ADI1: variants seen among roughly 807,000 people sequenced by gnomAD.
The protein encoded by ADI1 is acireductone dioxygenase 1, also known as acireductone dioxygenase.
Under a neutral mutation model 18.7 loss-of-function variants are expected in ADI1, and 21 were observed. The ratio of observed to expected loss-of-function variants is 1.13; its 90% CI spans 0.80 to 1.62. The LOEUF is 1.62. Among genes scored for constraint, ADI1 ranks in the 40% most tolerant of loss-of-function variants. ADI1 has a pLI of 0.00. For missense variants in ADI1, 245 were observed against 254.9 expected, an observed-to-expected ratio of 0.96 and a Z score of 0.26; for synonymous variants, 90 against 100.1, an observed-to-expected ratio of 0.90 and a Z score of 0.60.
intron 2 of ADI1, among the ~76,000 whole-genome samples, chr2:3,501,364 C>T (rs1034586855): frequency 6.6e-6 from 1 of 152,096 alleles, no homozygotes; most frequent in African/African-American, 2.4e-5. Context: ...GGCCCAACCT[C>T]ACACAACGAG....
rs1130127 is a variant in ADI1, at chr2:3,498,854, T to C, written c.*109A>G. On this transcript the variant is annotated 3_prime_UTR_variant, in exon 4 of 4. Transcript: ENST00000327435. ...AAATAATCTTACAAAGGAAAGATAA[T>C]CTAGCCTCAAGGCTATCCTCTAAAA... is the stretch of plus-strand genomic sequence containing the variant. The C allele has an allele frequency of 0.18, 262,777 of 1,442,718 alleles. 32,533 individuals are homozygous for C. Among genetic ancestry groups the C allele is most frequent in the African/African-American group, 0.62 (43,262 of 70,110 alleles). The allele number at this position is 1,442,718 out of a possible 1,614,324, so 89.4% of individuals were successfully genotyped here.
At chr2:3,511,447 C>T (rs1490790421) in intron 2 of ADI1, among the ~76,000 whole-genome samples, 1 of 152,146 alleles carries the variant, frequency 6.6e-6, no homozygotes, top group Non-Finnish European at 1.5e-5. Context: ...TGTAAGATGC[C>T]TGCTCCCTCT....
rs1314388044 is a variant in ADI1 at position 3,497,868 on chromosome 2, G to C, written c.*1095C>G. On this transcript the variant is annotated 3_prime_UTR_variant, in exon 4 of 4. Transcript: ENST00000327435. ...ATATGAATGTTTCGTTCTTAAAAAT[G>C]AACAAGCTCTATTTATAATGCCCAT... 6.6e-6 allele frequency: 1 copy of C among 152,128 alleles called. No individual in the cohort carries two copies. The highest frequency in any genetic ancestry group is 1.5e-5 in the Non-Finnish European group (1 of 68,022). The allele number at this position is 152,128 out of a possible 1,614,324, so 9.4% of individuals were successfully genotyped here. A position where few individuals can be genotyped will look rare whatever the true frequency, so the allele number is the denominator to read the frequency against.
At chr2:3,517,431 TA>T (rs1667433143) in intron 1 of ADI1, 1 of 152,228 alleles carries the variant, frequency 6.6e-6, no homozygotes, top group Non-Finnish European at 1.5e-5. Flanking sequence ...AAATTTGTTG[TA>T]ATTTTGTCTT....
chr2:3,499,171 A>G, intron 3 of ADI1, 89 bp from the exon 4 acceptor site: 1 of 1,511,586 alleles, frequency 6.6e-7, no homozygotes, highest in Non-Finnish European at 8.9e-7. Context: ...GTTAACATTA[A>G]TTGCTATAAA....
chr2:3,503,822 C>A (rs1364410234), intron 2 of ADI1, among the ~76,000 whole-genome samples: 2 of 152,136 alleles, frequency 1.3e-5, no homozygotes, highest in Non-Finnish European at 2.9e-5. Context: ...ACGTGAAGAT[C>A]AACATAAATC....
At chr2:3,505,943 A>T (rs918073130) in intron 2 of ADI1, among the ~76,000 whole-genome samples, 3 of 152,232 alleles carry the variant, frequency 2.0e-5, no homozygotes, top group Admixed American at 2.0e-4. Flanking sequence ...CAGCTCTCAC[A>T]AGACACCAAA....
At position 3,498,221 on chromosome 2, in the gene ADI1, C is replaced by T. The variant is rs1242420332; in HGVS notation, c.*742G>A. ...GTGATATGACAAACTAGGCATAATC[C>T]TATCTCGGAATTGTTGAGTAGAAAA... On this transcript the variant is annotated 3_prime_UTR_variant, in exon 4 of 4. Transcript: ENST00000327435. 2.6e-5 allele frequency: 4 copies of T among 152,108 alleles called. No homozygotes were observed. Among genetic ancestry groups the T allele is most frequent in the Non-Finnish European group, 4.4e-5 (3 of 68,018 alleles). 9.4% of individuals were successfully genotyped at this position (152,108 alleles called of 1,614,324 possible).
rs1038691193 is a variant in ADI1, at chr2:3,498,253, T to C, written c.*710A>G. 3 of 152,218 alleles carry C rather than the reference T, an allele frequency of 2.0e-5. No individual in the cohort carries two copies. Among genetic ancestry groups the C allele is most frequent in the African/African-American group, 7.2e-5 (3 of 41,442 alleles). The allele number at this position is 152,218 out of a possible 1,614,324, so 9.4% of individuals were successfully genotyped here. A position where few individuals can be genotyped will look rare whatever the true frequency, so the allele number is the denominator to read the frequency against. ...GGAATTGTTGAGTAGAAAATTTATG[T>C]ACTAATACTCCTGTTAAAATTCAAC... On this transcript the variant is annotated 3_prime_UTR_variant, in exon 4 of 4. Coordinates refer to ENST00000327435, the MANE Select transcript of ADI1 (RefSeq NM_018269.4).
chr2:3,501,158 A>G (rs1262932583), intron 2 of ADI1, among the ~76,000 whole-genome samples, 165 bp from the exon 3 acceptor site: 1 of 152,188 alleles, frequency 6.6e-6, no homozygotes, highest in African/African-American at 2.4e-5. Context: ...TCCTAACAGT[A>G]CAAGGGCCAG....
At chr2:3,518,425 A>C (rs1667454580) in intron 1 of ADI1, among the ~76,000 whole-genome samples, 1 of 152,228 alleles carries the variant, frequency 6.6e-6, no homozygotes, top group African/African-American at 2.4e-5. Flanking sequence ...TCTCTTTTGC[A>C]GTAAACCTTT....
chr2:3,512,182 T>TAG (rs1257536782), intron 2 of ADI1, among the ~76,000 whole-genome samples: 2 of 152,234 alleles, frequency 1.3e-5, no homozygotes, highest in Non-Finnish European at 2.9e-5. Flanking sequence ...AGCAGGCTTG[T>TAG]AGAGCAACGA....
intron 2 of ADI1, among the ~76,000 whole-genome samples, chr2:3,505,932 G>A (rs112042929): frequency 1.3e-5 from 2 of 152,334 alleles, no homozygotes; most frequent in African/African-American, 4.8e-5. Flanking sequence ...AAACCAGGAA[G>A]CAGCTCTCAC....
chr2:3,503,615 C>T (rs114534539), intron 2 of ADI1, among the ~76,000 whole-genome samples: 33 of 152,030 alleles, frequency 2.2e-4, no homozygotes, highest in Non-Finnish European at 4.4e-4. Context: ...CACAGCGACT[C>T]TGCAGGGCAC....
At chr2:3,515,637 A>T (rs1667389915) in intron 1 of ADI1, 1 of 152,022 alleles carries the variant, frequency 6.6e-6, no homozygotes, top group Non-Finnish European at 1.5e-5. Context: ...CCTTATTAGT[A>T]GTTCTGCTTT....
At chr2:3,501,196 A>G (rs983655165) in intron 2 of ADI1, among the ~76,000 whole-genome samples, 1 of 152,234 alleles carries the variant, frequency 6.6e-6, no homozygotes, top group Non-Finnish European at 1.5e-5. Context: ...AAACCTGTCA[A>G]CAAATGGGCA....
intron 2 of ADI1, among the ~76,000 whole-genome samples, chr2:3,505,738 G>T (rs1667161894): frequency 6.6e-6 from 1 of 152,146 alleles, no homozygotes. Context: ...CCTCCCCCGG[G>T]TCCATGGGCT....
At chr2:3,505,513 T>G (rs1172261790) in intron 2 of ADI1, among the ~76,000 whole-genome samples, 1 of 152,136 alleles carries the variant, frequency 6.6e-6, no homozygotes, top group Non-Finnish European at 1.5e-5. Flanking sequence ...CAGGGAAAAT[T>G]CCCTGTGCTT....
At chr2:3,500,738 G>A (rs776524896) in intron 3 of ADI1, 76 bp downstream of exon 3, 22 of 1,587,760 alleles carry the variant, frequency 1.4e-5, no homozygotes, top group East Asian at 4.5e-5. Flanking sequence ...CGGAAGCCGC[G>A]CAGTTCAGCG....
Sources: allele counts gnomAD v4.1 joint callset (sites outside exome capture counted in the v4.1 genomes callset), GRCh38; gene constraint gnomAD v4.1.1; transcripts MANE v1.5; gene names NCBI Gene and HGNC (gene_info 2026-07-23, HGNC 2026-07-21).